Variants in CNTD1 observed in about 807,000 individuals in gnomAD.
CNTD1 encodes cyclin N-terminal domain containing 1.
A neutral mutation model predicts 36.3 loss-of-function variants in CNTD1; 17 were observed. The ratio of observed to expected loss-of-function variants is 0.47; its 90% confidence interval spans 0.32 to 0.70. The LOEUF (loss-of-function observed/expected upper bound fraction) is 0.70, where lower values mean the gene tolerates loss of function less well. CNTD1 is among the 30% of genes least tolerant of loss of function. The pLI is 0.03. For missense variants in CNTD1, 338 were observed against 386.1 expected (o/e 0.88, Z 1.04); for synonymous variants, 128 against 153.3 (o/e 0.83, Z 1.22).
chr17:42,807,243 G>A (rs1359584575), intron 5 of CNTD1, among the ~76,000 whole-genome samples: 2 of 151,960 alleles, frequency 1.3e-5, no homozygotes, highest in African/African-American at 4.8e-5. Context: ...GTGAAACCAC[G>A]TTTCCACTAA....
Position 42,803,606 on chromosome 17 carries a change from T to C in CNTD1, c.170-14T>C. 1.2e-6 allele frequency: 2 copies of C among 1,611,072 alleles called. No homozygotes were observed. ...GCATCTTGTGAATTAGGCTCTTTTT[T>C]CCTGTTTTGGCAGAGTTTGTTTTTC... On this transcript the variant is annotated splice_polypyrimidine_tract_variant and intron_variant, in intron 1 of 6. Transcript: ENST00000588408.
At chr17:42,799,884 T>C (rs2054746491) in intron 1 of CNTD1, among the ~76,000 whole-genome samples, 1 of 141,994 alleles carries the variant, frequency 7.0e-6, no homozygotes, top group South Asian at 2.2e-4. Context: ...GCTAACATGG[T>C]GAAACCCCGT....
At chr17:42,800,957 C>T (rs2054769605) in intron 1 of CNTD1, among the ~76,000 whole-genome samples, 3 of 152,212 alleles carry the variant, frequency 2.0e-5, no homozygotes, top group South Asian at 4.1e-4. Context: ...GAGGCTGAGG[C>T]GGGTGGATCA....
chr17:42,806,862 A>G, intron 5 of CNTD1, 44 bp downstream of exon 5: 1 of 1,593,410 alleles, frequency 6.3e-7, no homozygotes, highest in Non-Finnish European at 8.6e-7. Flanking sequence ...GGAACAGGGA[A>G]GGGGAGACAG....
At position 42,803,663 on chromosome 17, in the gene CNTD1, TGTG is replaced by T. The variant is rs2054830417; in HGVS notation, c.214_216del (p.Val72del). ...CTGAACAATGGTGTCTGGAGAAATC[TGTG>T]AGCTACCAGGCTGTAGAAATCCTAG... On this transcript the variant is annotated inframe_deletion, in exon 2 of 7. Transcript: ENST00000588408. The T allele has an allele frequency of 6.2e-7, 1 of 1,614,128 alleles. No homozygotes were observed. Among genetic ancestry groups the T allele is most frequent in the African/African-American group, 1.3e-5 (1 of 75,052 alleles).
At chr17:42,808,759 C>A (rs1233444994) in intron 6 of CNTD1, among the ~76,000 whole-genome samples, 1 of 150,244 alleles carries the variant, frequency 6.7e-6, no homozygotes, top group Non-Finnish European at 1.5e-5. Flanking sequence ...ACAACAACAA[C>A]AACAAAGGCC....
rs1388868022 is a variant in CNTD1 at position 42,810,751 on chromosome 17, G to A, written c.*1216G>A. ...GCCTTTAAGGCAAACCTCCCCCTAAGGAAAAAAGTCATTTGTTATAAAATT... is the reference window on the plus strand; with the variant it reads ...GCCTTTAAGGCAAACCTCCCCCTAAAGAAAAAAGTCATTTGTTATAAAATT... On this transcript the variant is annotated 3_prime_UTR_variant, in exon 7 of 7. Transcript: ENST00000588408. 1 of 1,591,452 alleles carries A rather than the reference G, an allele frequency of 6.3e-7. No homozygotes were observed. Among genetic ancestry groups the A allele is most frequent in the Non-Finnish European group, 8.5e-7 (1 of 1,170,442 alleles).
Position 42,805,778 on chromosome 17 carries a change from TAAAGAAG to T in CNTD1, c.477_483del (p.Lys159AsnfsTer10). 6.2e-7 allele frequency: 1 copy of T among 1,614,056 alleles called. No individual in the cohort carries two copies. On this transcript the variant is annotated frameshift_variant, in exon 4 of 7. Transcript: ENST00000588408. LOFTEE classifies it high-confidence loss of function. ...TCCAGGCTCTAGGCTATCTACACACTAAAGAAGAACTGCTGGAATCAGAGCTTGATGT... is the reference window on the plus strand; with the variant it reads ...TCCAGGCTCTAGGCTATCTACACACTAACTGCTGGAATCAGAGCTTGATGT...
chr17:42,808,672 T>C (rs111357781), intron 6 of CNTD1, among the ~76,000 whole-genome samples: 11 of 150,732 alleles, frequency 7.3e-5, no homozygotes, highest in African/African-American at 2.7e-4. Context: ...AGTTGGAGGC[T>C]GCAGTGAGCC....
At chr17:42,801,510 A>AAAAAAATATATATAT (rs1289580717) in intron 1 of CNTD1, among the ~76,000 whole-genome samples, 1 of 54,356 alleles carries the variant, frequency 1.8e-5, no homozygotes, top group Non-Finnish European at 3.0e-5. Context: ...AAAAAAAAAA[A>AAAAAAATATATATAT]ATATATATAT....
In CNTD1 at chr17:42,809,496, A is replaced by G; in HGVS notation, c.954A>G (p.Ala318=). Residue 318 remains alanine, a synonymous_variant, in exon 7 of 7, where the codon GCA becomes GCG. Transcript: ENST00000588408. ...GRQQSIPPHL[A]ARALKTVASS... is the part of the protein sequence containing the mutation. ...AGCAGTCTATTCCTCCCCACCTGGC[A>G]GCCAGAGCTCTGAAGACTGTTGCTT... The G allele has an allele frequency of 6.2e-7, 1 of 1,614,212 alleles. No homozygotes were observed. The highest frequency in any genetic ancestry group is 8.5e-7 in the Non-Finnish European group (1 of 1,180,016).
chr17:42,799,338 G>C lies in CNTD1; in HGVS notation c.169+102G>C, dbSNP rs1473723574. The C allele has an allele frequency of 1.9e-5, 24 of 1,291,432 alleles. No homozygotes were observed. The East Asian group carries it at 5.5e-4, about 30-fold the overall frequency. The allele number at this position is 1,291,432 out of a possible 1,614,324, so 80.0% of individuals were successfully genotyped here. On this transcript the variant is annotated intron_variant, in intron 1 of 6. Coordinates refer to ENST00000588408, the MANE Select transcript of CNTD1 (RefSeq NM_173478.3). ...CGTTGATTTTATTCATTCAGAGAATGTTTGCTAACACCTCTCTGTGGGGTG... is the reference window on the plus strand; with the variant it reads ...CGTTGATTTTATTCATTCAGAGAATCTTTGCTAACACCTCTCTGTGGGGTG...
At chr17:42,801,728 T>C (rs2054799832) in intron 1 of CNTD1, among the ~76,000 whole-genome samples, 1 of 151,586 alleles carries the variant, frequency 6.6e-6, no homozygotes, top group African/African-American at 2.4e-5. Context: ...CACAATGATA[T>C]TGTTGAAACT....
chr17:42,799,313 C>T (rs571552641), intron 1 of CNTD1, 77 bp downstream of exon 1: 11 of 1,445,490 alleles, frequency 7.6e-6, no homozygotes, highest in East Asian at 4.9e-5. Context: ...CTTGAGATTC[C>T]GTTGATTTTA....
At chr17:42,804,489 C>T (rs1567661809) in intron 3 of CNTD1, 93 bp downstream of exon 3, 2 of 982,374 alleles carry the variant, frequency 2.0e-6, no homozygotes, top group Non-Finnish European at 3.0e-6. Flanking sequence ...AAGTCAGTGA[C>T]AAGAAGAAAA....
intron 4 of CNTD1, among the ~76,000 whole-genome samples, chr17:42,806,353 G>GCC (rs777434648): frequency 1.2e-4 from 18 of 152,168 alleles, no homozygotes; most frequent in Non-Finnish European, 1.9e-4. Flanking sequence ...ACTTGTCAGG[G>GCC]AAAGCTCAGA....
intron 1 of CNTD1, among the ~76,000 whole-genome samples, chr17:42,802,846 T>G (rs1019946520): frequency 1.3e-5 from 2 of 152,184 alleles, no homozygotes; most frequent in Non-Finnish European, 2.9e-5. Context: ...TCTAATGATA[T>G]TGCAAGATAA....
In CNTD1 at chr17:42,809,485, C is replaced by G; in HGVS notation, c.943C>G (p.Pro315Ala). Residue 315 changes from proline to alanine, a missense_variant, in exon 7 of 7, where the codon CCC becomes GCC. Physicochemically the swap from Pro to Ala is conservative, Grantham distance 27. Coordinates refer to ENST00000588408, the MANE Select transcript of CNTD1 (RefSeq NM_173478.3). The part of the protein sequence containing the change: ...NTPGRQQSIP[P>A]HLAARALKTV... ...TCCGGGGAGACAGCAGTCTATTCCT[C>G]CCCACCTGGCAGCCAGAGCTCTGAA... The G allele has an allele frequency of 6.2e-7, 1 of 1,614,162 alleles. No homozygotes were observed. Among genetic ancestry groups the G allele is most frequent in the Non-Finnish European group, 8.5e-7 (1 of 1,180,020 alleles).
At chr17:42,800,089 A>AGG (rs1386670620) in intron 1 of CNTD1, among the ~76,000 whole-genome samples, 1 of 132,948 alleles carries the variant, frequency 7.5e-6, no homozygotes, top group African/African-American at 4.0e-5. Context: ...AAAAAAAAAA[A>AGG]AGAGAAAAGA....
Sources: gnomAD v4.1 joint callset for allele counts (sites outside exome capture counted in the v4.1 genomes callset) on GRCh38, gnomAD v4.1.1 for gene constraint, MANE v1.5 for transcripts, NCBI Gene and HGNC (gene_info 2026-07-23, HGNC 2026-07-21) for gene names.